Variants in BCKDHB observed in about 807,000 individuals in gnomAD.
BCKDHB encodes the protein 2-oxoisovalerate dehydrogenase subunit beta, mitochondrial.
In BCKDHB, 41 loss-of-function variants were observed where a neutral mutation model predicts 48.5. The observed-to-expected ratio is 0.85, with a 90% CI of 0.66 to 1.10. The LOEUF (loss-of-function observed/expected upper bound fraction) is 1.10. BCKDHB is among the 50% of genes least tolerant of loss of function. The probability of loss-of-function intolerance (pLI) is 0.00; values close to 1 mark genes in which losing one functional copy is unlikely to be tolerated. For synonymous variants in BCKDHB, 201 were observed against 174.8 expected (o/e 1.15, Z -1.18); for missense variants, 496 against 494.2 (o/e 1.00, Z -0.03).
chr6:80,369,780 G>A, the BCKDHB span, among the ~76,000 whole-genome samples: 1 of 152,114 alleles, frequency 6.6e-6, no homozygotes, highest in Admixed American at 6.6e-5. Context: ...TTATGACCAA[G>A]GAATGGAAAG....
chr6:80,230,821 C>T (rs1273807171), intron 8 of BCKDHB, among the ~76,000 whole-genome samples: 1 of 152,178 alleles, frequency 6.6e-6, no homozygotes, highest in East Asian at 1.9e-4. Flanking sequence ...CAAGAACCCA[C>T]TCGTGATAAA....
At chr6:80,334,603 AG>A (rs1398639351) in intron 9 of BCKDHB, among the ~76,000 whole-genome samples, 1 of 151,384 alleles carries the variant, frequency 6.6e-6, no homozygotes, top group Non-Finnish European at 1.5e-5. Context: ...CAAGCTTTAA[AG>A]GCTGTGTTGC....
intron 9 of BCKDHB, among the ~76,000 whole-genome samples, chr6:80,281,711 G>A (rs1314891021): frequency 1.3e-5 from 2 of 152,002 alleles, no homozygotes; most frequent in African/African-American, 4.8e-5. Context: ...GTCCTCCCTG[G>A]CAGCCTGCCT....
downstream of BCKDHB, among the ~76,000 whole-genome samples, chr6:80,347,384 T>C (rs1770262279): frequency 1.3e-5 from 2 of 152,190 alleles, no homozygotes; most frequent in African/African-American, 4.8e-5. Flanking sequence ...GTATGGACTT[T>C]GGCTTTGGTC....
At chr6:80,200,426 A>T (rs1211170996) in intron 6 of BCKDHB, among the ~76,000 whole-genome samples, 1 of 152,156 alleles carries the variant, frequency 6.6e-6, no homozygotes, top group East Asian at 1.9e-4. Flanking sequence ...CCAAACCCCC[A>T]TAAATTTGCT....
the BCKDHB span, among the ~76,000 whole-genome samples, chr6:80,370,688 G>A: frequency 6.6e-6 from 1 of 151,780 alleles, no homozygotes; most frequent in Non-Finnish European, 1.5e-5. Context: ...TTAGAATAAT[G>A]GTCTCCAATT....
chr6:80,125,226 A>G (rs987734536), intron 1 of BCKDHB, among the ~76,000 whole-genome samples: 1 of 152,136 alleles, frequency 6.6e-6, no homozygotes, highest in South Asian at 2.1e-4. Context: ...AAGCTCTGCT[A>G]TCTTCAGATT....
At chr6:80,201,120 T>TC in intron 7 of BCKDHB, 89 bp downstream of exon 7, 1 of 1,105,250 alleles carries the variant, frequency 9.0e-7, no homozygotes, top group Non-Finnish European at 1.4e-6. Flanking sequence ...TTGAAAACGA[T>TC]GTTTTCTTTA....
At chr6:80,323,883 C>T (rs1265099421) in intron 9 of BCKDHB, among the ~76,000 whole-genome samples, 1 of 152,138 alleles carries the variant, frequency 6.6e-6, no homozygotes, top group Non-Finnish European at 1.5e-5. Context: ...CGCCATTCTC[C>T]TGTCTCAGCC....
intron 3 of BCKDHB, among the ~76,000 whole-genome samples, chr6:80,148,798 C>T (rs1771613008): frequency 6.6e-6 from 1 of 152,112 alleles, no homozygotes. Flanking sequence ...CCCTTCCTTA[C>T]ACCTTATACA....
In BCKDHB at chr6:80,308,877, G is replaced by A. The variant is rs576855500; in HGVS notation, c.1039-34787G>A. Reference sequence around the variant, plus strand: ...GTTACAGGTGTCAGCCACCGCACCCGGCCGTAGATTTTCTTCTTAACTTGC... The same window carrying A: ...GTTACAGGTGTCAGCCACCGCACCCAGCCGTAGATTTTCTTCTTAACTTGC... On this transcript the variant is annotated intron_variant, in intron 9 of 9. Transcript: ENST00000320393. 4.6e-5 allele frequency among the ~76,000 whole-genome samples: 7 copies of A among 151,680 alleles called. No individual in the cohort carries two copies. The South Asian group carries it at 8.3e-4, about 18-fold the overall frequency.
intron 8 of BCKDHB, among the ~76,000 whole-genome samples, chr6:80,268,852 C>A (rs897252949): frequency 5.3e-5 from 8 of 152,108 alleles, no homozygotes; most frequent in African/African-American, 1.9e-4. Context: ...TATAACTTAG[C>A]AGCTCTCTTA....
intron 8 of BCKDHB, among the ~76,000 whole-genome samples, chr6:80,234,915 C>T (rs1045297386): frequency 5.3e-5 from 8 of 151,750 alleles, no homozygotes; most frequent in African/African-American, 9.7e-5. Flanking sequence ...AAAGTCAGGC[C>T]GAGGAAGACA....
chr6:80,260,295 T>G (rs1039950869), intron 8 of BCKDHB, among the ~76,000 whole-genome samples: 4 of 152,188 alleles, frequency 2.6e-5, no homozygotes, highest in African/African-American at 4.8e-5. Flanking sequence ...GTATTTTGGG[T>G]AACTTACTAA....
the BCKDHB span, among the ~76,000 whole-genome samples, chr6:80,410,890 A>G: frequency 6.6e-6 from 1 of 152,162 alleles, no homozygotes; most frequent in Non-Finnish European, 1.5e-5. Flanking sequence ...GGTTTAGAAC[A>G]TGCTCCTTTA....
At chr6:80,438,965 C>T in the BCKDHB span, among the ~76,000 whole-genome samples, 3 of 152,062 alleles carry the variant, frequency 2.0e-5, no homozygotes, top group East Asian at 1.9e-4. Flanking sequence ...ATAACTCAGA[C>T]GGGTGGGACA....
At position 80,344,273 on chromosome 6, in the gene BCKDHB, G is replaced by T; in HGVS notation, c.*469G>T. The T allele has an allele frequency of 9.1e-6, 2 of 219,378 alleles. No individual in the cohort carries two copies. The highest frequency in any genetic ancestry group is 1.8e-5 in the Non-Finnish European group (2 of 109,312). The allele number at this position is 219,378 out of a possible 1,614,324, so 13.6% of individuals were successfully genotyped here. Reference sequence around the variant, plus strand: ...ACCTGCCTTAGCCTCCCAAAGTGCTGGGATTACAGGCATGAGCCACTGCAC... The same window carrying T: ...ACCTGCCTTAGCCTCCCAAAGTGCTTGGATTACAGGCATGAGCCACTGCAC... On this transcript the variant is annotated 3_prime_UTR_variant, in exon 10 of 10. Transcript: ENST00000320393.
the BCKDHB span, among the ~76,000 whole-genome samples, chr6:80,452,500 G>A: frequency 6.6e-6 from 1 of 152,020 alleles, no homozygotes; most frequent in Non-Finnish European, 1.5e-5. Context: ...GTCCCACAGA[G>A]CTTAAAGGAG....
At chr6:80,262,734 A>C (rs1457696734) in intron 8 of BCKDHB, among the ~76,000 whole-genome samples, 2 of 152,166 alleles carry the variant, frequency 1.3e-5, no homozygotes, top group Non-Finnish European at 1.5e-5. Context: ...TATAATAACT[A>C]TTTTATTCAT....
Sources: gnomAD v4.1 joint callset for allele counts (sites outside exome capture counted in the v4.1 genomes callset) on GRCh38, gnomAD v4.1.1 for gene constraint, MANE v1.5 for transcripts, NCBI Gene and HGNC (gene_info 2026-07-23, HGNC 2026-07-21) for gene names.